Variants in THSD4 observed in about 807,000 individuals in gnomAD.
The protein encoded by THSD4 is thrombospondin type-1 domain-containing protein 4.
In THSD4, 69 loss-of-function variants were observed where a neutral mutation model predicts 119.0. That is an observed-to-expected ratio of 0.58 (90% CI 0.48 to 0.71). THSD4 has a LOEUF of 0.71. Among genes scored for constraint, THSD4 ranks in the 30% least tolerant of loss-of-function variants. The pLI, the probability that THSD4 is intolerant of heterozygous loss-of-function variation, is 0.00. For missense variants in THSD4, 1,393 were observed against 1,391.1 expected (o/e 1.00, Z -0.02); for synonymous variants, 524 against 540.4 (o/e 0.97, Z 0.42).
chr15:71,551,555 A>G (rs1303938880), intron 7 of THSD4, among the ~76,000 whole-genome samples: 1 of 152,200 alleles, frequency 6.6e-6, no homozygotes, highest in Non-Finnish European at 1.5e-5. Context: ...AATCACAGCT[A>G]TGATTTATTA....
intron 7 of THSD4, among the ~76,000 whole-genome samples, chr15:71,620,031 T>C (rs944084710): frequency 6.6e-6 from 1 of 152,180 alleles, no homozygotes; most frequent in African/African-American, 2.4e-5. Context: ...AAATATAGGA[T>C]GTTCTGCAAG....
chr15:71,499,279 C>T (rs992935200), intron 7 of THSD4, among the ~76,000 whole-genome samples: 9 of 152,148 alleles, frequency 5.9e-5, no homozygotes, highest in East Asian at 1.9e-4. Context: ...CCTTCCTCCA[C>T]GGCCAAGGAG....
In THSD4 at chr15:71,778,099, G is replaced by A. The variant is rs2053945678; in HGVS notation, c.*725G>A. 6.6e-6 allele frequency: 1 copy of A among 152,338 alleles called. No homozygotes were observed. The highest frequency in any genetic ancestry group is 6.5e-5 in the Admixed American group (1 of 15,290). 9.4% of individuals were successfully genotyped at this position (152,338 alleles called of 1,614,324 possible). Reference sequence around the variant, plus strand: ...AGGTATATTCACCCATCCAGTGGAAGAGCTGAGTCCCCGCCCCAGTCATCT... The same window carrying A: ...AGGTATATTCACCCATCCAGTGGAAAAGCTGAGTCCCCGCCCCAGTCATCT... On this transcript the variant is annotated 3_prime_UTR_variant, in exon 18 of 18. Coordinates refer to ENST00000261862, the MANE Select transcript of THSD4 (RefSeq NM_024817.3).
At chr15:71,423,592 G>A (rs777594870) in intron 7 of THSD4, among the ~76,000 whole-genome samples, 1 of 152,144 alleles carries the variant, frequency 6.6e-6, no homozygotes. Flanking sequence ...CTTTCCTCAA[G>A]TGGAAGGAAG....
intron 3 of THSD4, among the ~76,000 whole-genome samples, chr15:71,199,729 T>TGTGTGTGTA (rs2043769812): frequency 1.7e-5 from 1 of 59,940 alleles, no homozygotes; most frequent in South Asian, 6.7e-4. Flanking sequence ...GTGTGTGTAG[T>TGTGTGTGTA]GTGTGTGTAG....
chr15:71,242,506 T>G (rs1361385805), intron 4 of THSD4, 143 bp from the exon 5 acceptor site: 1 of 835,498 alleles, frequency 1.2e-6, no homozygotes, highest in East Asian at 2.4e-5. Flanking sequence ...TAAAATGCGT[T>G]CCCCCTGCTT....
At chr15:71,706,563 C>A (rs1159071393) in intron 8 of THSD4, among the ~76,000 whole-genome samples, 1 of 152,172 alleles carries the variant, frequency 6.6e-6, no homozygotes, top group Non-Finnish European at 1.5e-5. Context: ...CAGTGGTGAG[C>A]ATAGCCACCT....
At chr15:71,704,828 G>C (rs959186358) in intron 8 of THSD4, among the ~76,000 whole-genome samples, 1 of 152,178 alleles carries the variant, frequency 6.6e-6, no homozygotes, top group African/African-American at 2.4e-5. Context: ...CTAAATCCAA[G>C]TTTGAATCCA....
chr15:71,629,907 C>A (rs1231137671), intron 7 of THSD4, among the ~76,000 whole-genome samples: 1 of 152,192 alleles, frequency 6.6e-6, no homozygotes, highest in African/African-American at 2.4e-5. Context: ...TGGCTTGGCT[C>A]TGGAACCCTT....
At chr15:71,615,584 C>A (rs1376025687) in intron 7 of THSD4, among the ~76,000 whole-genome samples, 5 of 152,004 alleles carry the variant, frequency 3.3e-5, no homozygotes, top group Non-Finnish European at 7.3e-5. Flanking sequence ...CATCATCATC[C>A]TTTAGAATAA....
intron 5 of THSD4, among the ~76,000 whole-genome samples, chr15:71,246,886 C>CT (rs67700872): frequency 0.1 from 11,515 of 114,456 alleles, 1,313 homozygotes; most frequent in African/African-American, 0.26. Context: ...GGTCCAAAGT[C>CT]TTTTTTTTTT....
At chr15:71,451,719 T>A (rs980470905) in intron 7 of THSD4, among the ~76,000 whole-genome samples, 7 of 152,282 alleles carry the variant, frequency 4.6e-5, no homozygotes, top group African/African-American at 1.7e-4. Flanking sequence ...AAAACTGCCC[T>A]CTCTCCCAGA....
At chr15:71,131,203 T>C (rs1456474760) in intron 1 of THSD4, among the ~76,000 whole-genome samples, 1 of 152,186 alleles carries the variant, frequency 6.6e-6, no homozygotes, top group Non-Finnish European at 1.5e-5. Flanking sequence ...ATTGCCCAGT[T>C]TTTGTGTGTG....
Position 71,724,287 on chromosome 15 carries a change from A to ATATATATATATATATATATATATTTT in THSD4, c.1358-4261_1358-4260insATATATATATATATATATATATTTTT. Among the ~76,000 whole-genome samples, 112 of 37,182 alleles carry ATATATATATATATATATATATATTTT rather than the reference A, an allele frequency of 3.0e-3. 2 individuals are homozygous for ATATATATATATATATATATATATTTT. The highest frequency in any genetic ancestry group is 7.0e-3 in the East Asian group (4 of 570). 24.4% of individuals were successfully genotyped at this position (37,182 alleles called of 152,430 possible). A position where few individuals can be genotyped will look rare whatever the true frequency, so the allele number is the denominator to read the frequency against. ...ATGGGATATATATATATATATATATATTTTTTTTTTCCCCCCAAGATGGAA... is the reference window on the plus strand; with the variant it reads ...ATGGGATATATATATATATATATATATATATATATATATATATATATATTTTTTTTTTTTTTCCCCCCAAGATGGAA... On this transcript the variant is annotated intron_variant, in intron 8 of 17. Transcript: ENST00000261862.
upstream of THSD4, chr15:71,111,846 GT>G: frequency 1.9e-6 from 1 of 535,148 alleles, no homozygotes. Flanking sequence ...TGAGAGCAGT[GT>G]TTTTCAAAGT....
chr15:71,166,133 C>T (rs558557647), intron 3 of THSD4, among the ~76,000 whole-genome samples: 1 of 152,176 alleles, frequency 6.6e-6, no homozygotes, highest in South Asian at 2.1e-4. Flanking sequence ...GGTTTCCCCA[C>T]TGTGAAGTTT....
chr15:71,757,952 G>C lies in THSD4; in HGVS notation c.2466G>C (p.Met822Ile). The change falls in exon 15 of 18, where the codon ATG becomes ATC. Residue 822 changes from methionine to isoleucine, a missense_variant. By Grantham distance (10) the Met-to-Ile change is conservative (BLOSUM62 1). Transcript: ENST00000261862. ...TGCGGACACGCTCGGTGGTGTGCAT[G>C]ACCAACCATGTCAGCAGCCTGCCCC... ...AGVRTRSVVC[M>I]TNHVSSLPLE... The C allele has an allele frequency of 6.2e-7, 1 of 1,613,954 alleles. No homozygotes were observed. Among genetic ancestry groups the C allele is most frequent in the Non-Finnish European group, 8.5e-7 (1 of 1,180,026 alleles).
chr15:71,578,322 T>G (rs1290228093), intron 7 of THSD4, among the ~76,000 whole-genome samples: 2 of 152,088 alleles, frequency 1.3e-5, no homozygotes, highest in African/African-American at 4.8e-5. Flanking sequence ...GTGCCCTTCT[T>G]AACAGGTGAC....
intron 14 of THSD4, 106 bp downstream of exon 14, chr15:71,748,700 C>A: frequency 1.4e-6 from 2 of 1,382,938 alleles, no homozygotes; most frequent in Non-Finnish European, 1.9e-6. Flanking sequence ...TGATTTCTGG[C>A]TCTGGGGGGA....
Sources: gnomAD v4.1 joint callset for allele counts (sites outside exome capture counted in the v4.1 genomes callset) on GRCh38, gnomAD v4.1.1 for gene constraint, MANE v1.5 for transcripts, NCBI Gene and HGNC (gene_info 2026-07-23, HGNC 2026-07-21) for gene names.